Variants in GPC5 observed in about 807,000 individuals in gnomAD.
The protein encoded by GPC5 is glypican-5.
GPC5 carries 47 observed loss-of-function variants against 53.9 expected under a neutral mutation model. That is an observed-to-expected ratio of 0.87 (90% CI 0.69 to 1.11). The LOEUF (loss-of-function observed/expected upper bound fraction) is 1.11. GPC5 is among the 50% of genes most tolerant of loss of function. The pLI is 0.00. For synonymous variants in GPC5, 286 were observed against 263.3 expected (o/e 1.09, Z -0.84); for missense variants, 748 against 713.1 (o/e 1.05, Z -0.56).
chr13:91,830,868 AATATATATCCTATTATATATAAT>A (rs1317250540), intron 5 of GPC5, among the ~76,000 whole-genome samples: 7 of 125,026 alleles, frequency 5.6e-5, no homozygotes, highest in Non-Finnish European at 1.0e-4. Context: ...TATTATATAT[AATATATATCCTATTATATATAAT>A]ATATATATCC....
chr13:91,874,970 G>T (rs1456766266), intron 5 of GPC5, among the ~76,000 whole-genome samples: 7 of 152,112 alleles, frequency 4.6e-5, no homozygotes, highest in Non-Finnish European at 1.0e-4. Flanking sequence ...TCTGGAGCTG[G>T]AGATCTCCTG....
At chr13:92,186,228 CAAAT>C (rs887878529) in intron 7 of GPC5, among the ~76,000 whole-genome samples, 13 of 151,638 alleles carry the variant, frequency 8.6e-5, no homozygotes, top group African/African-American at 1.9e-4. Context: ...TAATTTTTAA[CAAAT>C]AAGTTGTAAA....
At chr13:92,424,180 T>A (rs1364928227) in intron 7 of GPC5, among the ~76,000 whole-genome samples, 1 of 152,274 alleles carries the variant, frequency 6.6e-6, no homozygotes, top group East Asian at 1.9e-4. Flanking sequence ...CCTCTAGGGT[T>A]ATTGCTTCTC....
chr13:91,969,614 C>A (rs1021794404), intron 6 of GPC5, among the ~76,000 whole-genome samples: 2 of 152,096 alleles, frequency 1.3e-5, no homozygotes, highest in African/African-American at 4.8e-5. Context: ...CATTTGCAAA[C>A]CATATATCTA....
chr13:92,159,863 A>C (rs892419200), intron 7 of GPC5, among the ~76,000 whole-genome samples: 14 of 150,810 alleles, frequency 9.3e-5, no homozygotes, highest in African/African-American at 3.4e-4. Context: ...AGGCCTCCCA[A>C]AGTGCTGGGA....
intron 2 of GPC5, among the ~76,000 whole-genome samples, chr13:91,667,004 G>A (rs111661672): frequency 0.018 from 2,717 of 152,224 alleles, 91 homozygotes; most frequent in African/African-American, 0.061. Flanking sequence ...TACAAGAAAT[G>A]GCTGTAGCAT....
At chr13:91,977,156 A>G (rs2138708994) in intron 6 of GPC5, among the ~76,000 whole-genome samples, 1 of 152,276 alleles carries the variant, frequency 6.6e-6, no homozygotes, top group South Asian at 2.1e-4. Flanking sequence ...AATTGGGCCA[A>G]TTTCAAAACT....
At chr13:92,326,325 C>G (rs2043250663) in intron 7 of GPC5, among the ~76,000 whole-genome samples, 1 of 151,962 alleles carries the variant, frequency 6.6e-6, no homozygotes. Context: ...TCCTCTCCCA[C>G]TAAAACTTTT....
At chr13:91,847,355 T>TTGTGTG (rs150598612) in intron 5 of GPC5, among the ~76,000 whole-genome samples, 1 of 150,122 alleles carries the variant, frequency 6.7e-6, no homozygotes, top group African/African-American at 2.4e-5. Context: ...TTTATTATAA[T>TTGTGTG]TGTGTGTGTG....
chr13:92,842,799 C>T (rs1036106420), intron 7 of GPC5, among the ~76,000 whole-genome samples: 3 of 151,506 alleles, frequency 2.0e-5, no homozygotes, highest in African/African-American at 4.8e-5. Context: ...CTGAAATTAA[C>T]GGAATATTTT....
At chr13:91,554,137 C>A (rs2030806805) in intron 2 of GPC5, among the ~76,000 whole-genome samples, 1 of 151,976 alleles carries the variant, frequency 6.6e-6, no homozygotes, top group African/African-American at 2.4e-5. Context: ...AGTTTGCATT[C>A]TAGAGCTTGA....
chr13:92,695,550 T>G (rs1887533355), intron 7 of GPC5, among the ~76,000 whole-genome samples: 1 of 152,078 alleles, frequency 6.6e-6, no homozygotes, highest in Admixed American at 6.6e-5. Flanking sequence ...AGCTCTCCAA[T>G]ACTATGCCCA....
At chr13:91,939,919 A>G (rs895839459) in intron 6 of GPC5, among the ~76,000 whole-genome samples, 53 of 152,106 alleles carry the variant, frequency 3.5e-4, no homozygotes, top group African/African-American at 1.2e-3. Context: ...CTTTTACCCC[A>G]TTGGTTCCAC....
At chr13:92,657,621 A>C (rs1467860335) in intron 7 of GPC5, among the ~76,000 whole-genome samples, 1 of 139,544 alleles carries the variant, frequency 7.2e-6, no homozygotes, top group Non-Finnish European at 1.5e-5. Flanking sequence ...CCAAAGTTGA[A>C]GTATGGACAG....
chr13:92,385,479 CAT>C (rs1432295842), intron 7 of GPC5, among the ~76,000 whole-genome samples: 2 of 135,762 alleles, frequency 1.5e-5, no homozygotes, highest in Non-Finnish European at 1.6e-5. Flanking sequence ...TACATATATA[CAT>C]ATATACACAT....
At chr13:91,459,253 C>T (rs1197378402) in intron 2 of GPC5, among the ~76,000 whole-genome samples, 1 of 151,818 alleles carries the variant, frequency 6.6e-6, no homozygotes, top group Non-Finnish European at 1.5e-5. Flanking sequence ...CATGATTGCA[C>T]CACTATACTC....
intron 6 of GPC5, among the ~76,000 whole-genome samples, chr13:92,036,161 A>G (rs2040891521): frequency 1.3e-5 from 2 of 152,136 alleles, no homozygotes; most frequent in Admixed American, 6.5e-5. Flanking sequence ...GAAGTTTTTG[A>G]TCAAGCAGGG....
chr13:92,103,732 G>T (rs1007769290), intron 6 of GPC5, among the ~76,000 whole-genome samples: 1 of 152,142 alleles, frequency 6.6e-6, no homozygotes, highest in East Asian at 1.9e-4. Context: ...CTGAGTGTGT[G>T]TTGGGTCACA....
intron 2 of GPC5, among the ~76,000 whole-genome samples, chr13:91,608,589 A>T (rs2033447868): frequency 6.6e-6 from 1 of 152,138 alleles, no homozygotes; most frequent in African/African-American, 2.4e-5. Context: ...TAGGCATGTT[A>T]TGTAGGGGCT....
Sources: allele counts gnomAD v4.1 joint callset (sites outside exome capture counted in the v4.1 genomes callset), GRCh38; gene constraint gnomAD v4.1.1; transcripts MANE v1.5; gene names NCBI Gene and HGNC (gene_info 2026-07-23, HGNC 2026-07-21).